Variants in SLCO1B1 observed in about 807,000 individuals in gnomAD.
SLCO1B1 encodes the protein solute carrier organic anion transporter family member 1B1.
In SLCO1B1, 81 loss-of-function variants were observed where a neutral mutation model predicts 70.1. That is an observed-to-expected ratio of 1.16 (90% CI 0.97 to 1.39). SLCO1B1 has a LOEUF of 1.39. Ranked by LOEUF, SLCO1B1 falls within the 40% of genes most tolerant of loss-of-function variation. The pLI, the probability that SLCO1B1 is intolerant of heterozygous loss-of-function variation, is 0.00. For missense variants in SLCO1B1, 895 were observed against 799.6 expected (o/e 1.12, Z -1.44); for synonymous variants, 283 against 271.5 (o/e 1.04, Z -0.42).
At chr12:21,167,963 A>C (rs7962611) in intron 2 of SLCO1B1, among the ~76,000 whole-genome samples, 134,445 of 151,126 alleles carry the variant, frequency 0.89, 59,896 homozygotes, top group East Asian at 1. Flanking sequence ...ATTACAGGTG[A>C]CTACCACCAT....
At chr12:21,148,420 T>A (rs1052643143) in intron 2 of SLCO1B1, among the ~76,000 whole-genome samples, 3 of 152,204 alleles carry the variant, frequency 2.0e-5, no homozygotes, top group Non-Finnish European at 4.4e-5. Flanking sequence ...TTCAATTTTC[T>A]GCATATGGCT....
intron 2 of SLCO1B1, among the ~76,000 whole-genome samples, chr12:21,163,960 C>T (rs1940655321): frequency 6.6e-6 from 1 of 150,468 alleles, no homozygotes; most frequent in Non-Finnish European, 1.5e-5. Context: ...AAAAATGTAA[C>T]AGCCAGAATA....
intron 2 of SLCO1B1, among the ~76,000 whole-genome samples, chr12:21,146,521 G>A (rs968487781): frequency 2.0e-5 from 3 of 151,970 alleles, no homozygotes; most frequent in South Asian, 2.1e-4. Flanking sequence ...TTTTCCCAAG[G>A]TGGAAACTTA....
Position 21,178,687 on chromosome 12 carries a change from A to G in SLCO1B1, c.593A>G (p.Asp198Gly), listed in dbSNP as rs376755211. The G allele has an allele frequency of 2.2e-5, 35 of 1,607,072 alleles. No homozygotes were observed. The highest frequency in any genetic ancestry group is 2.9e-5 in the Non-Finnish European group (34 of 1,173,746). Reference protein sequence around the residue: ...IVPLGLSYIDDFAKEGHSSLY... With the variant: ...IVPLGLSYIDGFAKEGHSSLY... Reference sequence around the variant, plus strand: ...CCATTGGGGCTTTCTTACATTGATGATTTCGCTAAAGAAGGACATTCTTCT... The same window carrying G: ...CCATTGGGGCTTTCTTACATTGATGGTTTCGCTAAAGAAGGACATTCTTCT... The change falls in exon 6 of 15, where the codon GAT becomes GGT. Residue 198 changes from aspartate to glycine, a missense_variant. By Grantham distance (94) the Asp-to-Gly change is moderately conservative. Transcript: ENST00000256958.
At chr12:21,234,234 G>A (rs1001212329) in intron 14 of SLCO1B1, among the ~76,000 whole-genome samples, 1 of 151,994 alleles carries the variant, frequency 6.6e-6, no homozygotes, top group African/African-American at 2.4e-5. Context: ...CTGGGAGGGG[G>A]CCACAGGATG....
intron 1 of SLCO1B1, among the ~76,000 whole-genome samples, chr12:21,135,669 T>A (rs1940209886): frequency 6.6e-6 from 1 of 152,282 alleles, no homozygotes; most frequent in South Asian, 2.1e-4. Context: ...CTGCCTTTTT[T>A]TGTTTTCCAT....
At chr12:21,160,106 T>A (rs1338590145) in intron 2 of SLCO1B1, among the ~76,000 whole-genome samples, 526 of 111,592 alleles carry the variant, frequency 4.7e-3, no homozygotes, top group African/African-American at 5.4e-3. Flanking sequence ...TTCACAGAAC[T>A]AAAAAAAAAA....
At chr12:21,208,955 A>T (rs1434394603) in intron 11 of SLCO1B1, among the ~76,000 whole-genome samples, 1 of 151,544 alleles carries the variant, frequency 6.6e-6, no homozygotes, top group Non-Finnish European at 1.5e-5. Flanking sequence ...AATGCTACTA[A>T]TTTTTTTCCA....
At chr12:21,205,024 A>C (rs1359161530) in intron 10 of SLCO1B1, among the ~76,000 whole-genome samples, 1 of 151,902 alleles carries the variant, frequency 6.6e-6, no homozygotes, top group East Asian at 1.9e-4. Context: ...TATTTCCTCA[A>C]GCAGAATATG....
At position 21,209,250 on chromosome 12, in the gene SLCO1B1, T is replaced by C. The variant is rs1342381074; in HGVS notation, c.1497+3217T>C. 4.7e-5 allele frequency among the ~76,000 whole-genome samples: 7 copies of C among 149,936 alleles called. No homozygotes were observed. In the East Asian group the frequency reaches 1.4e-3, roughly 30 times the overall value. On this transcript the variant is annotated intron_variant, in intron 11 of 14. Coordinates refer to ENST00000256958, the MANE Select transcript of SLCO1B1 (RefSeq NM_006446.5). ...CAGTCCCCAGAGTGTGATATTCCCC[T>C]TCCTGTGTCCATGTGATCTCATTGT...
chr12:21,134,303 T>A (rs934480247), intron 1 of SLCO1B1, among the ~76,000 whole-genome samples: 11 of 152,162 alleles, frequency 7.2e-5, no homozygotes, highest in Non-Finnish European at 1.5e-4. Flanking sequence ...TCTTTTTTTG[T>A]TGTTTCTCTG....
At chr12:21,237,873 C>T (rs991516857) in intron 14 of SLCO1B1, among the ~76,000 whole-genome samples, 1 of 152,076 alleles carries the variant, frequency 6.6e-6, no homozygotes, top group African/African-American at 2.4e-5. Flanking sequence ...CGCCACCACG[C>T]CCAGCTAGTT....
chr12:21,160,180 G>A (rs548265539), intron 2 of SLCO1B1, among the ~76,000 whole-genome samples: 2 of 145,534 alleles, frequency 1.4e-5, no homozygotes, highest in South Asian at 4.3e-4. Context: ...GACAATCTAA[G>A]CAAAAAGAAT....
intron 2 of SLCO1B1, among the ~76,000 whole-genome samples, chr12:21,160,472 T>G (rs1441365301): frequency 2.0e-5 from 3 of 151,072 alleles, no homozygotes; most frequent in African/African-American, 7.3e-5. Flanking sequence ...ACATAAAAAT[T>G]CTAAAAATTC....
chr12:21,139,359 T>C (rs1940275817), intron 1 of SLCO1B1, among the ~76,000 whole-genome samples: 1 of 152,124 alleles, frequency 6.6e-6, no homozygotes, highest in Admixed American at 6.5e-5. Flanking sequence ...CATATCTAGG[T>C]ACAGGCATGC....
chr12:21,141,795 A>G (rs942685461), intron 2 of SLCO1B1, 137 bp downstream of exon 2: 18 of 574,066 alleles, frequency 3.1e-5, no homozygotes, highest in Non-Finnish European at 5.0e-5. Context: ...TATTAACATA[A>G]TGATTCATAC....
At chr12:21,236,661 G>A (rs1311791991) in intron 14 of SLCO1B1, among the ~76,000 whole-genome samples, 1 of 152,132 alleles carries the variant, frequency 6.6e-6, no homozygotes, top group Non-Finnish European at 1.5e-5. Context: ...GTTCTCTGGG[G>A]GTTGATTATT....
intron 14 of SLCO1B1, among the ~76,000 whole-genome samples, chr12:21,231,555 C>G (rs899698803): frequency 6.6e-6 from 1 of 150,730 alleles, no homozygotes; most frequent in Non-Finnish European, 1.5e-5. Context: ...ATAATTCACT[C>G]AAGTGAGAAA....
In SLCO1B1 at chr12:21,200,519, T is replaced by A. The variant is rs1479346462; in HGVS notation, c.982T>A (p.Ser328Thr). Residue 328 changes from serine (S) to threonine (T), a missense_variant, in exon 9 of 15, where the codon TCT (serine) becomes ACT (threonine). Transcript: ENST00000256958. Reference sequence around the variant, plus strand: ...TTACAATTTTACAGGTTTTTTCCAGTCTTTTAAAAGCATCCTTACTAATCC... The same window carrying A: ...TTACAATTTTACAGGTTTTTTCCAGACTTTTAAAAGCATCCTTACTAATCC... ...ITKNVTGFFQ[S>T]FKSILTNPLY... 1 of 1,564,650 alleles carries A rather than the reference T, an allele frequency of 6.4e-7. No individual in the cohort carries two copies.
Sources: gnomAD v4.1 joint callset for allele counts (sites outside exome capture counted in the v4.1 genomes callset) on GRCh38, gnomAD v4.1.1 for gene constraint, MANE v1.5 for transcripts, NCBI Gene and HGNC (gene_info 2026-07-23, HGNC 2026-07-21) for gene names.